PRIM2: variants seen among roughly 807,000 people sequenced by gnomAD.
PRIM2 encodes DNA primase subunit 2, also known as DNA primase large subunit.
In PRIM2, 39 loss-of-function variants were observed where a neutral mutation model predicts 67.3. The observed-to-expected ratio is 0.58, with a 90% confidence interval of 0.45 to 0.76. The LOEUF (loss-of-function observed/expected upper bound fraction) is 0.76. PRIM2 is among the 30% of genes least tolerant of loss of function. The pLI is 0.00. For synonymous variants in PRIM2, 143 were observed against 198.7 expected, an observed-to-expected ratio of 0.72 and a Z score of 2.36; for missense variants, 398 against 598.7, an observed-to-expected ratio of 0.66 and a Z score of 3.50.
At chr6:57,353,188 A>C (rs1283393213) in intron 5 of PRIM2, among the ~76,000 whole-genome samples, 1 of 150,664 alleles carries the variant, frequency 6.6e-6, no homozygotes, top group Non-Finnish European at 1.5e-5. Flanking sequence ...CCGGTCAGTG[A>C]ACTGGCTAAT....
chr6:57,534,232 G>A lies in PRIM2; in HGVS notation c.834+1749G>A, dbSNP rs1243748223. Among the ~76,000 whole-genome samples the A allele has an allele frequency of 1.8e-3, 270 of 152,128 alleles. 3 individuals carry two copies. The highest frequency in any genetic ancestry group is 2.9e-3 in the Non-Finnish European group (199 of 68,008). ...GGTCCGCATTTCTCTGCCTTCCATT[G>A]TTACAGCTCCAGCTCCTTTAAAGCC... On this transcript the variant is annotated intron_variant, in intron 9 of 13. Coordinates refer to ENST00000615550, the MANE Select transcript of PRIM2 (RefSeq NM_000947.5).
intron 12 of PRIM2, among the ~76,000 whole-genome samples, chr6:57,608,706 C>T (rs1179833578): frequency 5.9e-4 from 87 of 147,844 alleles, no homozygotes; most frequent in African/African-American, 2.0e-3. Flanking sequence ...GAGTGAGACC[C>T]TGTCTCAAGA....
the PRIM2 span, among the ~76,000 whole-genome samples, chr6:57,238,469 T>G: frequency 6.6e-6 from 1 of 152,186 alleles, no homozygotes; most frequent in Non-Finnish European, 1.5e-5. Context: ...GACTACTGGG[T>G]ATATAATGAA....
At chr6:57,330,384 T>TTTTTTTTG (rs1768018398) in intron 5 of PRIM2, among the ~76,000 whole-genome samples, 8 of 35,138 alleles carry the variant, frequency 2.3e-4, no homozygotes, top group African/African-American at 7.4e-4. Context: ...TGTTTTTTTG[T>TTTTTTTTG]TTTTTTTTTT....
intron 5 of PRIM2, among the ~76,000 whole-genome samples, chr6:57,351,975 A>G (rs1717966090): frequency 1.3e-5 from 2 of 152,198 alleles, no homozygotes; most frequent in Admixed American, 6.5e-5. Flanking sequence ...TATCTCCTTA[A>G]TAGAATTGTT....
Position 57,620,494 on chromosome 6 carries a change from G to A in PRIM2, c.1231-11639G>A, listed in dbSNP as rs1276781922. Among the ~76,000 whole-genome samples, 147 of 152,082 alleles carry A rather than the reference G, an allele frequency of 9.7e-4. 2 individuals carry two copies. Among genetic ancestry groups the A allele is most frequent in the African/African-American group, 3.3e-3 (137 of 41,486 alleles). ...CACATATGAAGGAAAGATAACAGTC[G>A]TTTTCAGACAAACAAATGCTGAGAG... On this transcript the variant is annotated intron_variant, in intron 12 of 13. Transcript: ENST00000615550.
chr6:57,222,257 C>A, the PRIM2 span: 1 of 152,564 alleles, frequency 6.6e-6, no homozygotes, highest in Non-Finnish European at 1.5e-5. Flanking sequence ...GGTGGTGGGG[C>A]GCGGGAGTCT....
At chr6:57,438,281 TAAAAC>T (rs1772081298) in intron 7 of PRIM2, among the ~76,000 whole-genome samples, 2 of 152,214 alleles carry the variant, frequency 1.3e-5, no homozygotes, top group Non-Finnish European at 2.9e-5. Context: ...TCTGCTACTT[TAAAAC>T]AAAACATACT....
intron 7 of PRIM2, among the ~76,000 whole-genome samples, chr6:57,423,569 C>T (rs1470875011): frequency 6.6e-6 from 1 of 152,018 alleles, no homozygotes; most frequent in Non-Finnish European, 1.5e-5. Context: ...GCAGAATTAG[C>T]GAAATGTTAG....
chr6:57,306,174 T>C, the PRIM2 span, among the ~76,000 whole-genome samples: 3 of 152,280 alleles, frequency 2.0e-5, no homozygotes, highest in African/African-American at 4.8e-5. Flanking sequence ...ACTTACCATA[T>C]GGATAAACTT....
intron 7 of PRIM2, among the ~76,000 whole-genome samples, chr6:57,466,165 G>A (rs1230703953): frequency 2.6e-5 from 4 of 152,076 alleles, no homozygotes; most frequent in Admixed American, 6.6e-5. Context: ...CCTTTTCTAT[G>A]GCTGCATACT....
chr6:57,235,479 GAAAAAAA>G, the PRIM2 span, among the ~76,000 whole-genome samples: 1 of 144,988 alleles, frequency 6.9e-6, no homozygotes, highest in Non-Finnish European at 1.5e-5. Context: ...AAAAAAAAAT[GAAAAAAA>G]TGCTTAAATG....
chr6:57,345,474 A>ATGTGTG (rs754685184), intron 5 of PRIM2, among the ~76,000 whole-genome samples: 10 of 124,652 alleles, frequency 8.0e-5, no homozygotes, highest in Non-Finnish European at 1.3e-4. Flanking sequence ...ATATATATAT[A>ATGTGTG]TGTGTGTGTG....
chr6:57,579,855 A>G (rs1776048907), intron 10 of PRIM2, among the ~76,000 whole-genome samples: 1 of 152,068 alleles, frequency 6.6e-6, no homozygotes, highest in Non-Finnish European at 1.5e-5. Context: ...TGGAGTGACA[A>G]TGTTATACAA....
At chr6:57,459,006 G>T (rs1003272280) in intron 7 of PRIM2, among the ~76,000 whole-genome samples, 1 of 152,150 alleles carries the variant, frequency 6.6e-6, no homozygotes, top group Non-Finnish European at 1.5e-5. Flanking sequence ...ATAACTATTT[G>T]GTGTGGTAAG....
intron 7 of PRIM2, among the ~76,000 whole-genome samples, chr6:57,485,731 C>T (rs1307089395): frequency 5.1e-4 from 78 of 152,136 alleles, no homozygotes; most frequent in Non-Finnish European, 7.9e-4. Flanking sequence ...TGGCATTTAA[C>T]GAGTGTGTAC....
intron 13 of PRIM2, among the ~76,000 whole-genome samples, chr6:57,639,664 C>A (rs1225431880): frequency 7.4e-6 from 1 of 134,592 alleles, no homozygotes; most frequent in Non-Finnish European, 1.6e-5. Context: ...GACACATACA[C>A]CCTCCCAAGA....
chr6:57,406,150 CT>C (rs1478257796), intron 7 of PRIM2, among the ~76,000 whole-genome samples: 1 of 152,082 alleles, frequency 6.6e-6, no homozygotes, highest in African/African-American at 2.4e-5. Flanking sequence ...TTCCCTTGAC[CT>C]TGTCTTTTTT....
chr6:57,461,367 C>G (rs1166904773), intron 7 of PRIM2, among the ~76,000 whole-genome samples: 181 of 152,236 alleles, frequency 1.2e-3, no homozygotes, highest in African/African-American at 4.2e-3. Flanking sequence ...CCTTGTAGTT[C>G]AGGACTGTCA....
Sources: allele counts gnomAD v4.1 joint callset (sites outside exome capture counted in the v4.1 genomes callset), GRCh38; gene constraint gnomAD v4.1.1; transcripts MANE v1.5; gene names NCBI Gene and HGNC (gene_info 2026-07-23, HGNC 2026-07-21).